EIF3A: variants seen among roughly 807,000 people sequenced by gnomAD.
EIF3A encodes the protein EIF3, p180 subunit.
In EIF3A, 21 loss-of-function variants were observed where a neutral mutation model predicts 186.6. That is an observed-to-expected ratio of 0.11 (90% CI 0.08 to 0.16). The LOEUF is 0.16. Among genes scored for constraint, EIF3A ranks in the 10% least tolerant of loss-of-function variants. EIF3A has a pLI of 1.00. For missense variants in EIF3A, 1,306 were observed against 1,796.3 expected, an observed-to-expected ratio of 0.73 and a Z score of 4.93; for synonymous variants, 563 against 584.3, an observed-to-expected ratio of 0.96 and a Z score of 0.52.
rs1050252923 is a variant in EIF3A, at chr10:119,051,319, A to G, written c.2199T>C (p.Ile733=). 1 of 1,580,326 alleles carries G rather than the reference A, an allele frequency of 6.3e-7. No individual in the cohort carries two copies. The highest frequency in any genetic ancestry group is 1.4e-5 in the African/African-American group (1 of 72,390). Residue 733 remains isoleucine, a splice_region_variant and synonymous_variant, in exon 15 of 22, where the codon ATT becomes ATC. Transcript: ENST00000369144. ...TTTCACGTTCTAGCTGCATTGTAGT[A>G]ATCTGCAAGTACAAATATTGTGAAA... ...DLWEQQEEER[I]TTMQLEREKA...
intron 14 of EIF3A, among the ~76,000 whole-genome samples, chr10:119,053,577 A>G (rs910945861): frequency 3.9e-5 from 5 of 129,304 alleles, no homozygotes; most frequent in African/African-American, 1.5e-4. Context: ...AAAAAAAAAA[A>G]AGCTAGGCAT....
At chr10:119,078,413 C>T (rs558747217) in intron 1 of EIF3A, among the ~76,000 whole-genome samples, 3 of 152,182 alleles carry the variant, frequency 2.0e-5, no homozygotes, top group Non-Finnish European at 2.9e-5. Flanking sequence ...TTTATTAAGA[C>T]AATGCAATAA....
chr10:119,072,643 AG>A (rs377453500), intron 4 of EIF3A, among the ~76,000 whole-genome samples: 12 of 152,030 alleles, frequency 7.9e-5, no homozygotes, highest in African/African-American at 2.9e-4. Context: ...TTAGTAGAGA[AG>A]GGGCTTCACC....
Position 119,037,198 on chromosome 10 carries a change from C to A in EIF3A, c.3840G>T (p.Arg1280=). The A allele has an allele frequency of 6.2e-7, 1 of 1,614,024 alleles. No homozygotes were observed. Among genetic ancestry groups the A allele is most frequent in the Non-Finnish European group, 8.5e-7 (1 of 1,180,018 alleles). The change falls in exon 21 of 22, where the codon CGG becomes CGT. Residue 1280 remains arginine (R), a synonymous_variant. Transcript: ENST00000369144. The part of the protein sequence containing the change: ...RDDRRRERDD[R]RDLRERRDLR... The stretch of plus-strand genomic sequence containing the variant: ...GATCTCGTCTTTCTCTTAGATCACG[C>A]CGGTCATCCCTCTCACGGCGACGGT...
intron 17 of EIF3A, among the ~76,000 whole-genome samples, chr10:119,047,092 A>C (rs1848291435): frequency 6.6e-6 from 1 of 152,038 alleles, no homozygotes; most frequent in Non-Finnish European, 1.5e-5. Context: ...ATAGTGAAAA[A>C]TCCCATCTCT....
chr10:119,039,631 C>CT (rs1244873679), intron 19 of EIF3A, among the ~76,000 whole-genome samples: 2 of 152,116 alleles, frequency 1.3e-5, no homozygotes, highest in Non-Finnish European at 2.9e-5. Context: ...GATCACGCCA[C>CT]TGCACTCCAG....
intron 1 of EIF3A, among the ~76,000 whole-genome samples, chr10:119,074,372 G>A (rs1372266339): frequency 1.3e-5 from 2 of 152,142 alleles, no homozygotes; most frequent in African/African-American, 4.8e-5. Context: ...GGCTGAGGCA[G>A]GAGAATCACT....
At chr10:119,080,597 C>G (rs769327505) in intron 1 of EIF3A, 31 bp downstream of exon 1, 37 of 1,567,524 alleles carry the variant, frequency 2.4e-5, no homozygotes, top group Non-Finnish European at 2.8e-5. Flanking sequence ...TCGGGCCGCC[C>G]CAGCCCGGCG....
At chr10:119,069,947 G>C (rs2119819951) in intron 5 of EIF3A, among the ~76,000 whole-genome samples, 1 of 152,262 alleles carries the variant, frequency 6.6e-6, no homozygotes, top group East Asian at 1.9e-4. Flanking sequence ...AAAAAATCTA[G>C]AAGGATATAC....
In EIF3A at chr10:119,042,554, C is replaced by A; in HGVS notation, c.2966G>T (p.Trp989Leu). The A allele has an allele frequency of 6.2e-7, 1 of 1,614,190 alleles. No homozygotes were observed. The highest frequency in any genetic ancestry group is 2.2e-5 in the East Asian group (1 of 44,876). The change falls in exon 19 of 22, where the codon TGG becomes TTG. Residue 989 changes from tryptophan (W) to leucine (L), a missense_variant. Physicochemically the swap from Trp to Leu is moderately conservative, Grantham distance 61. This residue lies in a region of EIF3A where 410 missense variants were observed against 473.5 expected (regional missense o/e 0.87). Transcript: ENST00000369144. This position sits in a 1 kb window ranked among gnomAD's most constrained non-coding sequence, Gnocchi z 7.8. ...RRGADDDRPS[W>L]RNTDDDRPPR... ...AGGCCTGTCATCATCTGTGTTACGC[C>A]AGGAAGGCCGGTCATCGTCTGCCCC...
intron 4 of EIF3A, among the ~76,000 whole-genome samples, chr10:119,071,413 T>C (rs1844068678): frequency 6.6e-6 from 1 of 152,122 alleles, no homozygotes; most frequent in South Asian, 2.1e-4. Flanking sequence ...AAAAATCTAG[T>C]ATGAAATATA....
At chr10:119,039,487 A>G (rs1014255461) in intron 19 of EIF3A, among the ~76,000 whole-genome samples, 3 of 152,098 alleles carry the variant, frequency 2.0e-5, no homozygotes, top group African/African-American at 4.8e-5. Context: ...CCTGGGCAAC[A>G]TGGCAAAACC....
At chr10:119,064,703 ACTT>A (rs1843943986) in intron 7 of EIF3A, among the ~76,000 whole-genome samples, 1 of 152,004 alleles carries the variant, frequency 6.6e-6, no homozygotes, top group Admixed American at 6.6e-5. Flanking sequence ...AGTGTCAGGT[ACTT>A]CTTTTTTGTT....
At chr10:119,068,904 C>G (rs911561900) in intron 6 of EIF3A, among the ~76,000 whole-genome samples, 1 of 131,998 alleles carries the variant, frequency 7.6e-6, no homozygotes, top group Non-Finnish European at 1.5e-5. Context: ...ACCCAGCAGG[C>G]AGAGGATGCA....
intron 15 of EIF3A, 63 bp downstream of exon 15, chr10:119,051,136 G>C: frequency 1.3e-5 from 18 of 1,428,844 alleles, no homozygotes; most frequent in Non-Finnish European, 1.6e-5. Flanking sequence ...TGTTAAGGGA[G>C]AACCCTTAGG....
chr10:119,064,664 A>C (rs1388559967), intron 7 of EIF3A, among the ~76,000 whole-genome samples: 1 of 152,166 alleles, frequency 6.6e-6, no homozygotes, highest in Non-Finnish European at 1.5e-5. Flanking sequence ...CCATGAGCCA[A>C]TTAAACCTCT....
At chr10:119,078,424 A>G (rs1844209576) in intron 1 of EIF3A, among the ~76,000 whole-genome samples, 1 of 152,238 alleles carries the variant, frequency 6.6e-6, no homozygotes, top group East Asian at 1.9e-4. Flanking sequence ...AATGCAATAA[A>G]TTAGGTCTAA....
chr10:119,036,022 A>C lies in EIF3A; in HGVS notation c.*17T>G. 1 of 1,588,226 alleles carries C rather than the reference A, an allele frequency of 6.3e-7. No individual in the cohort carries two copies. The highest frequency in any genetic ancestry group is 8.6e-7 in the Non-Finnish European group (1 of 1,156,506). ...AAACCTATTTAAGACACCAGTTTAA[A>C]TCCATTATCTTGAGACTTAACGTCG... On this transcript the variant is annotated 3_prime_UTR_variant, in exon 22 of 22. Transcript: ENST00000369144.
At chr10:119,072,243 TA>T (rs68078133) in intron 4 of EIF3A, among the ~76,000 whole-genome samples, 103,553 of 122,784 alleles carry the variant, frequency 0.84, 46,062 homozygotes, top group Non-Finnish European at 0.98. Flanking sequence ...TCAAGTTCAC[TA>T]AAAAAAAAAA....
Sources: gnomAD v4.1 joint callset for allele counts (sites outside exome capture counted in the v4.1 genomes callset) on GRCh38, gnomAD v4.1.1 for gene constraint, gnomAD v4.1.1 regional missense constraint, Gnocchi (gnomAD v3.1) non-coding constraint, MANE v1.5 for transcripts, NCBI Gene and HGNC (gene_info 2026-07-23, HGNC 2026-07-21) for gene names.